The following CA10 variants were observed in gnomAD, a reference collection of about 807,000 sequenced individuals.
The protein encoded by CA10 is carbonic anhydrase-related protein 10.
In CA10, 14 loss-of-function variants were observed where a neutral mutation model predicts 44.2. The observed-to-expected ratio is 0.32, with a 90% confidence interval of 0.21 to 0.50. CA10 has a LOEUF of 0.50. Among genes scored for constraint, CA10 ranks in the 20% least tolerant of loss-of-function variants. The probability of loss-of-function intolerance (pLI) is 0.99; values close to 1 mark genes in which losing one functional copy is unlikely to be tolerated. For synonymous variants in CA10, 159 were observed against 141.6 expected (o/e 1.12, Z -0.87); for missense variants, 350 against 409.7 (o/e 0.85, Z 1.26).
In CA10 at chr17:51,734,180, G is replaced by A. The variant is rs1182442200; in HGVS notation, c.465+13453C>T. On this transcript the variant is annotated intron_variant, in intron 4 of 8. Coordinates refer to ENST00000451037, the MANE Select transcript of CA10 (RefSeq NM_020178.5). ...AAAGTGTGTACTCAATCTTTGGTTG[G>A]GGGGGGGGGGTTCCAATGTAACACA... Among the ~76,000 whole-genome samples the A allele has an allele frequency of 2.2e-4, 9 of 41,102 alleles. 1 individual carries two copies. Among genetic ancestry groups the A allele is most frequent in the African/African-American group, 1.3e-3 (3 of 2,260 alleles). 27.0% of individuals were successfully genotyped at this position (41,102 alleles called of 152,430 possible).
rs559381041 is a variant in CA10, at chr17:51,676,266, G to A, written c.466-22530C>T. Among the ~76,000 whole-genome samples the A allele has an allele frequency of 4.6e-5, 7 of 152,292 alleles. No individual in the cohort carries two copies. In the South Asian group the frequency reaches 1.5e-3, roughly 32 times the overall value. On this transcript the variant is annotated intron_variant, in intron 4 of 8. Transcript: ENST00000451037. ...CCAGGCCCCGAGTTGAAGAGTTCAC[G>A]AGATAGTGTACTTGGAGGGTGAACA...
At chr17:52,014,081 G>A (rs1483744908) in intron 2 of CA10, among the ~76,000 whole-genome samples, 2 of 151,500 alleles carry the variant, frequency 1.3e-5, no homozygotes, top group Non-Finnish European at 2.9e-5. Context: ...GATGAAAATT[G>A]GAATTAAACT....
chr17:52,062,897 A>T (rs1474727382), intron 2 of CA10, among the ~76,000 whole-genome samples: 3 of 152,228 alleles, frequency 2.0e-5, no homozygotes, highest in Non-Finnish European at 4.4e-5. Flanking sequence ...AGACACCAGA[A>T]TTATATAGCC....
intron 2 of CA10, among the ~76,000 whole-genome samples, chr17:51,948,544 C>T (rs113597000): frequency 1.3e-5 from 2 of 152,264 alleles, no homozygotes; most frequent in Non-Finnish European, 2.9e-5. Flanking sequence ...TGGAGAAAGC[C>T]CTGCTATGAG....
intron 4 of CA10, among the ~76,000 whole-genome samples, chr17:51,699,375 G>T (rs1417672217): frequency 6.6e-6 from 1 of 151,228 alleles, no homozygotes; most frequent in African/African-American, 2.4e-5. Flanking sequence ...AAGTGGGGTT[G>T]CTGGATAGTA....
intron 3 of CA10, among the ~76,000 whole-genome samples, chr17:51,872,587 A>G (rs1400043813): frequency 6.6e-6 from 1 of 152,210 alleles, no homozygotes; most frequent in Admixed American, 6.5e-5. Flanking sequence ...CCAAATGTAG[A>G]AAGGATTCAA....
chr17:51,868,336 A>G (rs1567866828), intron 3 of CA10, among the ~76,000 whole-genome samples: 1 of 152,134 alleles, frequency 6.6e-6, no homozygotes, highest in Non-Finnish European at 1.5e-5. Context: ...GCCATGGGTT[A>G]TAAATGCATG....
chr17:51,941,963 A>G (rs1983094136), intron 2 of CA10, among the ~76,000 whole-genome samples: 1 of 152,116 alleles, frequency 6.6e-6, no homozygotes, highest in South Asian at 2.1e-4. Flanking sequence ...CGTACATGCA[A>G]AATTATACCC....
intron 3 of CA10, among the ~76,000 whole-genome samples, chr17:51,829,279 C>T (rs1323639213): frequency 6.6e-6 from 1 of 152,174 alleles, no homozygotes. Flanking sequence ...CTGCAGTTTC[C>T]TCCTTTAATT....
At chr17:51,930,404 G>A (rs1342682024) in intron 3 of CA10, among the ~76,000 whole-genome samples, 1 of 152,082 alleles carries the variant, frequency 6.6e-6, no homozygotes, top group Admixed American at 6.6e-5. Context: ...ACAAATTAAA[G>A]AGGAGCTCGT....
intron 3 of CA10, among the ~76,000 whole-genome samples, chr17:51,777,721 A>G (rs561635324): frequency 6.6e-6 from 1 of 152,204 alleles, no homozygotes; most frequent in Non-Finnish European, 1.5e-5. Flanking sequence ...GCTTGAGCCT[A>G]AGAGCTCAAG....
chr17:51,669,708 C>T (rs1567796656), intron 4 of CA10, among the ~76,000 whole-genome samples: 1 of 152,162 alleles, frequency 6.6e-6, no homozygotes, highest in Non-Finnish European at 1.5e-5. Context: ...CCTGCAGCTT[C>T]ACTCCTGAAG....
chr17:51,647,213 G>A (rs1182221731), intron 6 of CA10, among the ~76,000 whole-genome samples: 1 of 152,072 alleles, frequency 6.6e-6, no homozygotes, highest in African/African-American at 2.4e-5. Flanking sequence ...CACTCCCTCT[G>A]CCCCGTCACA....
intron 3 of CA10, among the ~76,000 whole-genome samples, chr17:51,837,284 C>T (rs1369516734): frequency 1.3e-5 from 2 of 152,136 alleles, no homozygotes; most frequent in African/African-American, 4.8e-5. Flanking sequence ...AAAATATGAA[C>T]CTCCTCTTTT....
At position 51,774,846 on chromosome 17, in the gene CA10, T is replaced by TGCCA. The variant is rs1291735909; in HGVS notation, c.280-27032_280-27029dup. 3.9e-5 allele frequency among the ~76,000 whole-genome samples: 6 copies of TGCCA among 152,298 alleles called. No homozygotes were observed. The South Asian group carries it at 8.3e-4, about 21-fold the overall frequency. On this transcript the variant is annotated intron_variant, in intron 3 of 8. Coordinates refer to ENST00000451037, the MANE Select transcript of CA10 (RefSeq NM_020178.5). ...AGATAGTTGAGGAAAGAAAGCAGGA[T>TGCCA]GCCAGCCAGCCAGCCAAGATACATG...
intron 1 of CA10, among the ~76,000 whole-genome samples, chr17:52,097,644 T>TGA (rs1988438357): frequency 6.6e-6 from 1 of 152,206 alleles, no homozygotes; most frequent in Non-Finnish European, 1.5e-5. Context: ...ACTTATTCAT[T>TGA]CATTCATTCA....
At position 51,692,349 on chromosome 17, in the gene CA10, CCTAT is replaced by C. The variant is rs941756836; in HGVS notation, c.466-38617_466-38614del. ...CTACAGTTTGTTTTCTATCTACCTA[CCTAT>C]CTACCTATCCATCCTATCTATCTAT... On this transcript the variant is annotated intron_variant, in intron 4 of 8. Transcript: ENST00000451037. 1.8e-3 allele frequency among the ~76,000 whole-genome samples: 268 copies of C among 149,148 alleles called. 1 individual carries two copies. Among genetic ancestry groups the C allele is most frequent in the African/African-American group, 6.2e-3 (250 of 40,186 alleles).
chr17:52,060,678 T>G (rs973285671), intron 2 of CA10, among the ~76,000 whole-genome samples: 1 of 152,202 alleles, frequency 6.6e-6, no homozygotes, highest in Non-Finnish European at 1.5e-5. Context: ...GAGTTTTCAG[T>G]GGATTAATCT....
chr17:51,691,612 G>A (rs1692791968), intron 4 of CA10, among the ~76,000 whole-genome samples: 1 of 148,804 alleles, frequency 6.7e-6, no homozygotes, highest in Admixed American at 6.6e-5. Flanking sequence ...GTGCTTTTGT[G>A]TTCATATATA....
Sources: allele counts gnomAD v4.1 joint callset (sites outside exome capture counted in the v4.1 genomes callset), GRCh38; gene constraint gnomAD v4.1.1; transcripts MANE v1.5; gene names NCBI Gene and HGNC (gene_info 2026-07-23, HGNC 2026-07-21).